KCNH7: variants seen among roughly 807,000 people sequenced by gnomAD.
KCNH7 encodes potassium voltage-gated channel subfamily H member 7.
A neutral mutation model predicts 120.8 loss-of-function variants in KCNH7; 49 were observed. That is an observed-to-expected ratio of 0.41 (90% confidence interval 0.32 to 0.51). KCNH7 has a LOEUF of 0.51. KCNH7 is among the 20% of genes least tolerant of loss of function. The probability of loss-of-function intolerance (pLI) is 0.38; values close to 1 mark genes in which losing one functional copy is unlikely to be tolerated. For synonymous variants in KCNH7, 547 were observed against 516.1 expected, an observed-to-expected ratio of 1.06 and a Z score of -0.81; for missense variants, 1,097 against 1,446.6, an observed-to-expected ratio of 0.76 and a Z score of 3.92.
chr2:162,390,197 T>C (rs1686702805), intron 12 of KCNH7, among the ~76,000 whole-genome samples: 3 of 151,736 alleles, frequency 2.0e-5, no homozygotes, highest in African/African-American at 7.3e-5. Context: ...TTATAAGCCC[T>C]GTAAGTAAAC....
chr2:162,472,566 A>C (rs1049071937), intron 6 of KCNH7, among the ~76,000 whole-genome samples: 2 of 152,166 alleles, frequency 1.3e-5, no homozygotes, highest in African/African-American at 4.8e-5. Flanking sequence ...TTAGAATGGC[A>C]ATCATTAAAA....
intron 2 of KCNH7, among the ~76,000 whole-genome samples, chr2:162,621,967 G>A (rs1484477633): frequency 1.3e-5 from 2 of 152,062 alleles, no homozygotes; most frequent in African/African-American, 4.8e-5. Context: ...GTTTCCTTTT[G>A]CCACTTCTCA....
At chr2:162,673,240 A>G (rs1368180712) in intron 2 of KCNH7, among the ~76,000 whole-genome samples, 1 of 152,126 alleles carries the variant, frequency 6.6e-6, no homozygotes, top group Non-Finnish European at 1.5e-5. Context: ...AAGAAAAAAT[A>G]GAGATCAGTA....
intron 14 of KCNH7, among the ~76,000 whole-genome samples, chr2:162,378,959 T>C (rs1686311778): frequency 6.6e-6 from 1 of 152,228 alleles, no homozygotes; most frequent in South Asian, 2.1e-4. Context: ...TTATGGCAAA[T>C]GCATGAACAT....
chr2:162,579,159 A>T (rs1308383360), intron 2 of KCNH7, among the ~76,000 whole-genome samples: 3 of 152,018 alleles, frequency 2.0e-5, no homozygotes, highest in Non-Finnish European at 4.4e-5. Flanking sequence ...AAGCCAAGGC[A>T]TCTCTTACTT....
chr2:162,763,245 A>T (rs571239357), intron 2 of KCNH7, among the ~76,000 whole-genome samples: 1 of 152,174 alleles, frequency 6.6e-6, no homozygotes, highest in Non-Finnish European at 1.5e-5. Context: ...CTGAGTACTC[A>T]GTAAACACTA....
intron 2 of KCNH7, among the ~76,000 whole-genome samples, chr2:162,770,644 C>T (rs1279916863): frequency 6.6e-6 from 1 of 151,882 alleles, no homozygotes; most frequent in Non-Finnish European, 1.5e-5. Flanking sequence ...TAGAATAATA[C>T]ACATTATGAG....
intron 2 of KCNH7, among the ~76,000 whole-genome samples, chr2:162,689,745 G>A (rs1686034403): frequency 6.6e-6 from 1 of 152,010 alleles, no homozygotes; most frequent in Non-Finnish European, 1.5e-5. Flanking sequence ...TAGATATTGA[G>A]TTTTAGTTCT....
chr2:162,614,108 A>G (rs964597888), intron 2 of KCNH7, among the ~76,000 whole-genome samples: 3 of 152,106 alleles, frequency 2.0e-5, no homozygotes, highest in African/African-American at 7.2e-5. Context: ...TACCTGTGAC[A>G]AAGCAATTCT....
At chr2:162,760,392 A>C (rs1227346213) in intron 2 of KCNH7, among the ~76,000 whole-genome samples, 2 of 152,268 alleles carry the variant, frequency 1.3e-5, no homozygotes, top group East Asian at 3.9e-4. Context: ...TGCATTTGAA[A>C]AAAATCACCA....
At chr2:162,773,406 C>T (rs565603412) in intron 2 of KCNH7, among the ~76,000 whole-genome samples, 6 of 152,078 alleles carry the variant, frequency 3.9e-5, no homozygotes, top group East Asian at 1.9e-4. Flanking sequence ...GAGAATCGCT[C>T]GAACCCAGGA....
intron 2 of KCNH7, among the ~76,000 whole-genome samples, chr2:162,732,182 G>T (rs1465153401): frequency 6.6e-6 from 1 of 152,074 alleles, no homozygotes; most frequent in Non-Finnish European, 1.5e-5. Context: ...GTGTGAAGAG[G>T]ATGGCAATAC....
intron 2 of KCNH7, among the ~76,000 whole-genome samples, chr2:162,792,851 T>C (rs12472113): frequency 2.0e-5 from 3 of 151,126 alleles, no homozygotes; most frequent in African/African-American, 4.9e-5. Flanking sequence ...TTATTTCTTG[T>C]GGTCTACTAG....
At chr2:162,526,277 A>G (rs1018444639) in intron 3 of KCNH7, among the ~76,000 whole-genome samples, 6 of 151,976 alleles carry the variant, frequency 3.9e-5, no homozygotes, top group African/African-American at 1.4e-4. Flanking sequence ...TCACAGGACC[A>G]CAGGACCGAG....
intron 6 of KCNH7, among the ~76,000 whole-genome samples, chr2:162,503,257 G>A (rs1690750656): frequency 6.6e-6 from 1 of 151,886 alleles, no homozygotes; most frequent in Admixed American, 6.6e-5. Context: ...ATAATGGTAG[G>A]AATCTATAAA....
At chr2:162,528,615 T>C (rs1196079423) in intron 3 of KCNH7, among the ~76,000 whole-genome samples, 1 of 151,964 alleles carries the variant, frequency 6.6e-6, no homozygotes, top group Non-Finnish European at 1.5e-5. Flanking sequence ...TATCAGAAGC[T>C]ATATCATGAT....
intron 5 of KCNH7, among the ~76,000 whole-genome samples, chr2:162,506,791 C>T (rs765360388): frequency 4.0e-5 from 6 of 151,792 alleles, no homozygotes; most frequent in East Asian, 1.9e-4. Flanking sequence ...CAATAAACTC[C>T]TCTGAATTGG....
chr2:162,700,895 A>G (rs1166764618), intron 2 of KCNH7, among the ~76,000 whole-genome samples: 1 of 152,192 alleles, frequency 6.6e-6, no homozygotes, highest in Non-Finnish European at 1.5e-5. Flanking sequence ...GTTTTGGCTT[A>G]TTAAAATAGT....
intron 2 of KCNH7, among the ~76,000 whole-genome samples, chr2:162,823,062 G>C (rs1486433619): frequency 6.6e-6 from 1 of 152,198 alleles, no homozygotes; most frequent in African/African-American, 2.4e-5. Flanking sequence ...AACAGGAGAT[G>C]GGTGAGGTGG....
Sources: allele counts gnomAD v4.1 joint callset (sites outside exome capture counted in the v4.1 genomes callset), GRCh38; gene constraint gnomAD v4.1.1; transcripts MANE v1.5; gene names NCBI Gene and HGNC (gene_info 2026-07-23, HGNC 2026-07-21).